JARID2: variants seen among roughly 807,000 people sequenced by gnomAD.
JARID2 encodes jumonji and AT-rich interaction domain containing 2, also known as protein Jumonji.
Under a neutral mutation model 125.6 loss-of-function variants are expected in JARID2, and 21 were observed. That is an observed-to-expected ratio of 0.17 (90% CI 0.12 to 0.24). The LOEUF (loss-of-function observed/expected upper bound fraction) is 0.24, where lower values mean the gene tolerates loss of function less well. JARID2 is among the 10% of genes least tolerant of loss of function. The pLI, the probability that JARID2 is intolerant of heterozygous loss-of-function variation, is 1.00. For synonymous variants in JARID2, 736 were observed against 661.6 expected (o/e 1.11, Z -1.73); for missense variants, 1,303 against 1,639.6 (o/e 0.79, Z 3.55).
In JARID2 at chr6:15,496,671, C is replaced by T. The variant is rs562946062; in HGVS notation, c.1446C>T (p.Asn482=). 2.1e-5 allele frequency: 34 copies of T among 1,612,740 alleles called. No homozygotes were observed. The highest frequency in any genetic ancestry group is 9.9e-5 in the South Asian group (9 of 91,078). ...KKAPAERGLL[N]GHVKKEVPER... ...CCCCGGCCGAGAGAGGTCTGCTGAA[C>T]GGACACGTGAAGAAGGAAGTGCCGG... The change falls in exon 7 of 18, where the codon AAC becomes AAT. Residue 482 remains asparagine (N), a synonymous_variant. Coordinates refer to ENST00000341776, the MANE Select transcript of JARID2 (RefSeq NM_004973.4).
At chr6:15,494,339 AG>A (rs1770298878) in intron 6 of JARID2, among the ~76,000 whole-genome samples, 1 of 148,286 alleles carries the variant, frequency 6.7e-6, no homozygotes, top group South Asian at 2.2e-4. Flanking sequence ...CTCTGCCGGT[AG>A]GGCCCAGTGA....
chr6:15,414,741 T>G (rs970913297), intron 3 of JARID2, among the ~76,000 whole-genome samples: 3 of 152,174 alleles, frequency 2.0e-5, no homozygotes, highest in African/African-American at 7.2e-5. Flanking sequence ...CTTTTTCTTT[T>G]GATCATTGTG....
intron 8 of JARID2, among the ~76,000 whole-genome samples, chr6:15,501,764 C>T (rs1334064197): frequency 6.6e-6 from 1 of 152,172 alleles, no homozygotes; most frequent in Non-Finnish European, 1.5e-5. Flanking sequence ...TTCCGCCTGC[C>T]TAGGGCCTCG....
intron 3 of JARID2, among the ~76,000 whole-genome samples, chr6:15,435,041 T>C (rs943960610): frequency 2.6e-5 from 4 of 152,234 alleles, no homozygotes; most frequent in Non-Finnish European, 5.9e-5. Context: ...GTAGTTTCAG[T>C]GTTCACTGTT....
At chr6:15,258,585 C>T (rs1199512143) in intron 1 of JARID2, among the ~76,000 whole-genome samples, 7 of 152,154 alleles carry the variant, frequency 4.6e-5, no homozygotes, top group Non-Finnish European at 8.8e-5. Flanking sequence ...AGTTTGAGGC[C>T]AGCCTGACTA....
At chr6:15,322,338 T>C (rs928450513) in intron 1 of JARID2, among the ~76,000 whole-genome samples, 2 of 152,222 alleles carry the variant, frequency 1.3e-5, no homozygotes, top group Non-Finnish European at 2.9e-5. Context: ...CACACTCCTG[T>C]AGTCCTAGCT....
At chr6:15,336,655 T>C (rs1174152283) in intron 1 of JARID2, among the ~76,000 whole-genome samples, 9 of 151,476 alleles carry the variant, frequency 5.9e-5, no homozygotes, top group Non-Finnish European at 1.5e-5. Context: ...AGGATTCTTT[T>C]TTTTTTTTTT....
At chr6:15,515,165 G>A (rs1488128131) in intron 16 of JARID2, among the ~76,000 whole-genome samples, 1 of 151,770 alleles carries the variant, frequency 6.6e-6, no homozygotes, top group African/African-American at 2.4e-5. Context: ...TCAGCCTCCT[G>A]AGTAGCTGGG....
chr6:15,268,922 A>G (rs915945585), intron 1 of JARID2, among the ~76,000 whole-genome samples: 2 of 152,206 alleles, frequency 1.3e-5, no homozygotes, highest in Non-Finnish European at 2.9e-5. Context: ...TCGGGGCTCT[A>G]ACTCTTTTGT....
chr6:15,467,998 G>A (rs1231904424), intron 4 of JARID2, among the ~76,000 whole-genome samples: 1 of 152,040 alleles, frequency 6.6e-6, no homozygotes, highest in Non-Finnish European at 1.5e-5. Context: ...GAATTTATTT[G>A]GGTGATTTTT....
At chr6:15,386,623 G>A (rs189676793) in intron 2 of JARID2, among the ~76,000 whole-genome samples, 84 of 152,314 alleles carry the variant, frequency 5.5e-4, no homozygotes, top group Non-Finnish European at 8.4e-4. Context: ...CGCCTGGCCG[G>A]TTGAGTTCTT....
chr6:15,496,418 A>G lies in JARID2; in HGVS notation c.1193A>G (p.Lys398Arg), dbSNP rs764796093. Reference sequence around the variant, plus strand: ...GTGCTATCCCTCGGGGGGGCGTCCAAGTCCACTGGGCCCGCCGTCAATGGC... The same window carrying G: ...GTGCTATCCCTCGGGGGGGCGTCCAGGTCCACTGGGCCCGCCGTCAATGGC... ...KQVLSLGGAS[K>R]STGPAVNGLK... Residue 398 changes from lysine to arginine, a missense_variant, in exon 7 of 18, where the codon AAG (lysine) becomes AGG (arginine). Around this residue, in one of 11 missense-constraint regions of JARID2, gnomAD observed 651 missense variants for 581.6 expected, o/e 1.12. Transcript: ENST00000341776. 16 of 1,613,608 alleles carry G rather than the reference A, an allele frequency of 9.9e-6. No individual in the cohort carries two copies. The highest frequency in any genetic ancestry group is 1.6e-4 in the Middle Eastern group (1 of 6,082).
In JARID2 at chr6:15,481,448, C is replaced by A. The variant is rs570301633; in HGVS notation, c.671-5859C>A. Among the ~76,000 whole-genome samples, 20 of 152,242 alleles carry A rather than the reference C, an allele frequency of 1.3e-4. No homozygotes were observed. The South Asian group carries it at 3.7e-3, about 28-fold the overall frequency. ...TATGTTCACAGGGTTTAATCTTTCC[C>A]TGTGAGAGTGAATATTTTTTTTCCT... On this transcript the variant is annotated intron_variant, in intron 5 of 17. Transcript: ENST00000341776.
chr6:15,519,910 A>G (rs1028186995), intron 17 of JARID2, among the ~76,000 whole-genome samples, 159 bp from the exon 18 acceptor site: 3 of 151,882 alleles, frequency 2.0e-5, no homozygotes, highest in Non-Finnish European at 4.4e-5. Context: ...AGGGAGACTC[A>G]CTGCATCTGA....
chr6:15,393,709 A>AT (rs1380496196), intron 2 of JARID2, among the ~76,000 whole-genome samples: 15 of 152,228 alleles, frequency 9.9e-5, no homozygotes, highest in African/African-American at 3.6e-4. Context: ...ATATACACGA[A>AT]ATTGTTAACA....
At chr6:15,519,923 C>T (rs780440563) in intron 17 of JARID2, 146 bp from the exon 18 acceptor site, 4 of 535,122 alleles carry the variant, frequency 7.5e-6, no homozygotes, top group Admixed American at 4.0e-5. Flanking sequence ...GCATCTGAGC[C>T]TCTCGGGGTT....
intron 3 of JARID2, among the ~76,000 whole-genome samples, chr6:15,443,982 A>G (rs576371517): frequency 6.6e-6 from 1 of 152,360 alleles, no homozygotes; most frequent in South Asian, 2.1e-4. Context: ...GCAAATGTTT[A>G]TTCTAAATAG....
intron 9 of JARID2, among the ~76,000 whole-genome samples, chr6:15,505,839 T>A (rs1369270385): frequency 1.3e-5 from 2 of 152,252 alleles, no homozygotes; most frequent in African/African-American, 4.8e-5. Flanking sequence ...CTTCCGCAGC[T>A]GCTTCCAGAG....
At chr6:15,450,502 T>A (rs764961274) in intron 3 of JARID2, among the ~76,000 whole-genome samples, 4 of 152,164 alleles carry the variant, frequency 2.6e-5, no homozygotes, top group South Asian at 4.1e-4. Flanking sequence ...TTGTCTTGAG[T>A]GGCATTGCAT....
Sources: gnomAD v4.1 joint callset for allele counts (sites outside exome capture counted in the v4.1 genomes callset) on GRCh38, gnomAD v4.1.1 for gene constraint, gnomAD v4.1.1 regional missense constraint, MANE v1.5 for transcripts, NCBI Gene and HGNC (gene_info 2026-07-23, HGNC 2026-07-21) for gene names.